The following SUPT3H variants were observed in gnomAD, a reference collection of about 807,000 sequenced individuals.
SUPT3H encodes SPT3 homolog, SAGA and STAGA complex component, also known as transcription initiation protein SPT3 homolog.
A neutral mutation model predicts 44.3 loss-of-function variants in SUPT3H; 44 were observed. The observed-to-expected ratio is 0.99, with a 90% CI of 0.78 to 1.28. The LOEUF is 1.28. Ranked by LOEUF, SUPT3H falls within the 50% of genes most tolerant of loss-of-function variation. The pLI, the probability that SUPT3H is intolerant of heterozygous loss-of-function variation, is 0.00. For missense variants in SUPT3H, 380 were observed against 387.1 expected (o/e 0.98, Z 0.15); for synonymous variants, 124 against 125.6 (o/e 0.99, Z 0.09).
chr6:44,885,392 C>A (rs993113269), intron 10 of SUPT3H, among the ~76,000 whole-genome samples: 4 of 152,040 alleles, frequency 2.6e-5, no homozygotes, highest in Non-Finnish European at 4.4e-5. Flanking sequence ...ACACCTCACA[C>A]GTCCGGGTAC....
chr6:45,030,700 T>G (rs980393505), intron 3 of SUPT3H, among the ~76,000 whole-genome samples: 2 of 152,170 alleles, frequency 1.3e-5, no homozygotes, highest in Non-Finnish European at 2.9e-5. Context: ...AAGTCCTGCT[T>G]TAGAATAATT....
chr6:45,232,227 T>C (rs1444640651), intron 2 of SUPT3H, among the ~76,000 whole-genome samples: 1 of 152,220 alleles, frequency 6.6e-6, no homozygotes, highest in Non-Finnish European at 1.5e-5. Flanking sequence ...TTTCTGAAGA[T>C]GTACCAATTG....
intron 10 of SUPT3H, among the ~76,000 whole-genome samples, chr6:44,919,462 A>ATTT (rs11412317): frequency 1.4e-5 from 2 of 147,360 alleles, no homozygotes; most frequent in African/African-American, 2.5e-5. Flanking sequence ...GCTATAGTGT[A>ATTT]TTTTTTTTTT....
At chr6:45,000,943 G>C (rs748177903) in intron 6 of SUPT3H, among the ~76,000 whole-genome samples, 6 of 152,046 alleles carry the variant, frequency 3.9e-5, no homozygotes, top group Non-Finnish European at 5.9e-5. Flanking sequence ...GGGCTTACAA[G>C]ACTAGATAGT....
chr6:44,891,956 T>C (rs1254197386), intron 10 of SUPT3H, among the ~76,000 whole-genome samples: 1 of 152,084 alleles, frequency 6.6e-6, no homozygotes, highest in Non-Finnish European at 1.5e-5. Flanking sequence ...TAATAAAATC[T>C]TGGGGAAAAT....
At chr6:44,928,909 A>AAAAAAG (rs1491361687) in intron 10 of SUPT3H, among the ~76,000 whole-genome samples, 7 of 139,076 alleles carry the variant, frequency 5.0e-5, no homozygotes, top group African/African-American at 1.9e-4. Flanking sequence ...AAAAAAGAAA[A>AAAAAAG]GAAAAGAAAC....
chr6:45,308,654 A>T (rs1372028729), intron 2 of SUPT3H, among the ~76,000 whole-genome samples: 5 of 152,138 alleles, frequency 3.3e-5, no homozygotes, highest in African/African-American at 9.7e-5. Flanking sequence ...TGACGAGTTA[A>T]TGGGTGCAGT....
At chr6:44,813,391 G>A (rs1766672759) in intron 11 of SUPT3H, among the ~76,000 whole-genome samples, 1 of 151,986 alleles carries the variant, frequency 6.6e-6, no homozygotes, top group Admixed American at 6.6e-5. Context: ...TTGCTTTGTT[G>A]CCCAGGGTGG....
intron 2 of SUPT3H, among the ~76,000 whole-genome samples, chr6:45,116,536 C>A (rs1055130012): frequency 2.0e-5 from 3 of 152,090 alleles, no homozygotes; most frequent in African/African-American, 7.2e-5. Flanking sequence ...GATATTTGTT[C>A]CAGTAAGTGA....
intron 11 of SUPT3H, among the ~76,000 whole-genome samples, chr6:44,810,600 C>CT (rs938478878): frequency 2.9e-4 from 4 of 14,016 alleles, no homozygotes; most frequent in East Asian, 4.5e-3. Context: ...TAGCCTTTTA[C>CT]TAAAAAAAAA....
chr6:44,902,924 A>T (rs1373352878), intron 10 of SUPT3H, among the ~76,000 whole-genome samples: 5 of 152,236 alleles, frequency 3.3e-5, no homozygotes, highest in Non-Finnish European at 1.5e-5. Flanking sequence ...CTGCTCCTGA[A>T]TGACTACTGG....
intron 2 of SUPT3H, among the ~76,000 whole-genome samples, chr6:45,236,311 TGGAGGACACCCGA>T (rs988791051): frequency 1.2e-4 from 18 of 152,212 alleles, no homozygotes; most frequent in African/African-American, 4.1e-4. Flanking sequence ...GGAACTAAGC[TGGAGGACACCCGA>T]GTGCTCTTAA....
At chr6:44,878,541 T>G (rs1192344160) in intron 10 of SUPT3H, among the ~76,000 whole-genome samples, 4 of 152,144 alleles carry the variant, frequency 2.6e-5, no homozygotes, top group Admixed American at 2.0e-4. Flanking sequence ...TTAAAAATAT[T>G]TCATCCATTG....
At chr6:45,143,124 A>G (rs1805514311) in intron 2 of SUPT3H, among the ~76,000 whole-genome samples, 1 of 152,120 alleles carries the variant, frequency 6.6e-6, no homozygotes. Flanking sequence ...GGACTTCAAT[A>G]CTCCACTGAC....
At chr6:45,261,585 G>A (rs919926653) in intron 2 of SUPT3H, among the ~76,000 whole-genome samples, 18 of 151,968 alleles carry the variant, frequency 1.2e-4, no homozygotes, top group African/African-American at 4.3e-4. Flanking sequence ...ACCTCAAATA[G>A]TAAGAATCAT....
chr6:45,286,161 A>G (rs563629844), intron 2 of SUPT3H, among the ~76,000 whole-genome samples: 62 of 151,894 alleles, frequency 4.1e-4, no homozygotes, highest in Non-Finnish European at 5.0e-4. Flanking sequence ...AAACCTAGGC[A>G]ATACCATTCA....
chr6:45,070,261 T>C (rs1297078238), intron 3 of SUPT3H, among the ~76,000 whole-genome samples: 1 of 152,156 alleles, frequency 6.6e-6, no homozygotes, highest in Non-Finnish European at 1.5e-5. Flanking sequence ...ACTATATTGA[T>C]TGAAGTTATA....
intron 10 of SUPT3H, among the ~76,000 whole-genome samples, chr6:44,902,503 C>T (rs1185638651): frequency 6.6e-6 from 1 of 152,032 alleles, no homozygotes; most frequent in East Asian, 1.9e-4. Flanking sequence ...ATATATGCAC[C>T]CAATACAGGA....
chr6:45,201,219 C>T (rs970197578), intron 2 of SUPT3H, among the ~76,000 whole-genome samples: 8 of 151,568 alleles, frequency 5.3e-5, no homozygotes, highest in Admixed American at 1.3e-4. Context: ...TTTCAACTGT[C>T]TTATTTTTTA....
Sources: gnomAD v4.1 joint callset for allele counts (sites outside exome capture counted in the v4.1 genomes callset) on GRCh38, gnomAD v4.1.1 for gene constraint, MANE v1.5 for transcripts, NCBI Gene and HGNC (gene_info 2026-07-23, HGNC 2026-07-21) for gene names.